The following GRID1 variants were observed in gnomAD, a reference collection of about 807,000 sequenced individuals.
The protein encoded by GRID1 is glutamate receptor ionotropic, delta-1.
Under a neutral mutation model 98.0 loss-of-function variants are expected in GRID1, and 28 were observed. The observed-to-expected ratio is 0.29, with a 90% CI of 0.21 to 0.39. The LOEUF (loss-of-function observed/expected upper bound fraction) is 0.39. GRID1 is among the 10% of genes least tolerant of loss of function. The pLI is 1.00. For synonymous variants in GRID1, 553 were observed against 538.5 expected, an observed-to-expected ratio of 1.03 and a Z score of -0.37; for missense variants, 1,111 against 1,340.5, an observed-to-expected ratio of 0.83 and a Z score of 2.67.
chr10:86,155,245 C>G (rs954199128), intron 3 of GRID1, among the ~76,000 whole-genome samples: 2 of 152,222 alleles, frequency 1.3e-5, no homozygotes, highest in South Asian at 2.1e-4. Context: ...TCTGTGCAGC[C>G]CCTGCCTGCA....
intron 5 of GRID1, among the ~76,000 whole-genome samples, chr10:85,883,921 A>C (rs1048979261): frequency 6.6e-6 from 1 of 152,088 alleles, no homozygotes; most frequent in African/African-American, 2.4e-5. Flanking sequence ...TAATCCTTAC[A>C]CTGAAGATAG....
chr10:85,846,978 C>A (rs1272381872), intron 8 of GRID1, among the ~76,000 whole-genome samples: 1 of 152,170 alleles, frequency 6.6e-6, no homozygotes, highest in Non-Finnish European at 1.5e-5. Context: ...AAAGAATGAG[C>A]AATTTCTTTC....
At chr10:85,998,960 C>A (rs1256308555) in intron 4 of GRID1, among the ~76,000 whole-genome samples, 2 of 152,208 alleles carry the variant, frequency 1.3e-5, no homozygotes, top group East Asian at 3.9e-4. Flanking sequence ...CGCCTGTAAT[C>A]CCAGCGCTTT....
intron 13 of GRID1, among the ~76,000 whole-genome samples, chr10:85,620,781 A>G (rs1263807090): frequency 2.6e-5 from 4 of 152,236 alleles, no homozygotes; most frequent in African/African-American, 9.6e-5. Context: ...ACACCTGTGC[A>G]CACGCACATA....
chr10:86,271,614 ATATGTGAGATTTAAAAAAT>A (rs1259284468), intron 2 of GRID1, among the ~76,000 whole-genome samples: 2 of 152,252 alleles, frequency 1.3e-5, no homozygotes, highest in African/African-American at 4.8e-5. Context: ...GAAAAGTACA[ATATGTGAGATTTAAAAAAT>A]AAACTGAATT....
At chr10:86,083,865 G>C (rs1043457695) in intron 4 of GRID1, among the ~76,000 whole-genome samples, 1 of 152,200 alleles carries the variant, frequency 6.6e-6, no homozygotes, top group Non-Finnish European at 1.5e-5. Context: ...TTGTACTTGC[G>C]TGTTTTCAGC....
At chr10:86,299,478 C>A (rs956382120) in intron 2 of GRID1, among the ~76,000 whole-genome samples, 6 of 151,166 alleles carry the variant, frequency 4.0e-5, no homozygotes, top group Non-Finnish European at 8.8e-5. Flanking sequence ...TGCTATCCCT[C>A]CCCCCTCGCC....
chr10:86,020,075 C>T (rs1843030346), intron 4 of GRID1, among the ~76,000 whole-genome samples: 1 of 152,232 alleles, frequency 6.6e-6, no homozygotes. Context: ...CCATTTATAA[C>T]ACAAACATGT....
chr10:86,201,724 A>G (rs1589408622), intron 3 of GRID1, among the ~76,000 whole-genome samples: 1 of 151,562 alleles, frequency 6.6e-6, no homozygotes, highest in South Asian at 2.1e-4. Flanking sequence ...CTGGCTTGGG[A>G]TCCTCTAAAA....
chr10:85,722,432 T>C (rs1841714401), intron 12 of GRID1, among the ~76,000 whole-genome samples: 2 of 152,214 alleles, frequency 1.3e-5, no homozygotes, highest in Non-Finnish European at 2.9e-5. Flanking sequence ...GATCATAAAA[T>C]ACAGTCACTT....
chr10:86,058,220 C>G (rs770038136), intron 4 of GRID1, among the ~76,000 whole-genome samples: 2 of 152,130 alleles, frequency 1.3e-5, no homozygotes, highest in Non-Finnish European at 2.9e-5. Context: ...AAGCAAGAGG[C>G]TGGATGGAAC....
intron 4 of GRID1, among the ~76,000 whole-genome samples, chr10:86,017,272 C>T (rs974521722): frequency 6.6e-6 from 1 of 152,196 alleles, no homozygotes; most frequent in African/African-American, 2.4e-5. Context: ...TATCAAGAGA[C>T]ATGTATAACC....
intron 8 of GRID1, among the ~76,000 whole-genome samples, chr10:85,757,627 C>G (rs1842111492): frequency 6.6e-6 from 1 of 152,156 alleles, no homozygotes; most frequent in South Asian, 2.1e-4. Flanking sequence ...GTGACAGAGC[C>G]TACTGGGGGA....
rs945706262 is a variant in GRID1 at position 86,160,738 on chromosome 10, G to A, written c.521-21714C>T. Among the ~76,000 whole-genome samples the A allele has an allele frequency of 3.3e-5, 5 of 152,196 alleles. No homozygotes were observed. In the South Asian group the frequency reaches 6.2e-4, roughly 19 times the overall value. ...TAGTCCTTGCAAGAGTCCTTCCAGG[G>A]GGGAATAATAACCCCATTTTTACAG... is the stretch of plus-strand genomic sequence containing the variant. On this transcript the variant is annotated intron_variant, in intron 3 of 15. Coordinates refer to ENST00000327946, the MANE Select transcript of GRID1 (RefSeq NM_017551.3).
At chr10:85,657,942 T>C (rs1333679903) in intron 12 of GRID1, among the ~76,000 whole-genome samples, 1 of 151,942 alleles carries the variant, frequency 6.6e-6, no homozygotes, top group Admixed American at 6.6e-5. Flanking sequence ...GCCAAGAACA[T>C]GGCTAGCTCT....
In GRID1 at chr10:85,975,413, C is replaced by G. The variant is rs1363072930; in HGVS notation, c.727-59174G>C. ...CGAGGCTACTCTTACTTCCACTTCA[C>G]CAAGTGGCTCCTCCAGGCCATCCAC... On this transcript the variant is annotated intron_variant, in intron 4 of 15. Coordinates refer to ENST00000327946, the MANE Select transcript of GRID1 (RefSeq NM_017551.3). Among the ~76,000 whole-genome samples the G allele has an allele frequency of 3.3e-5, 5 of 152,340 alleles. 1 individual carries two copies. Among genetic ancestry groups the G allele is most frequent in the Admixed American group, 3.3e-4 (5 of 15,312 alleles).
At chr10:85,894,861 A>T (rs886511312) in intron 5 of GRID1, among the ~76,000 whole-genome samples, 14 of 151,674 alleles carry the variant, frequency 9.2e-5, no homozygotes, top group African/African-American at 3.4e-4. Context: ...TACAAAAATT[A>T]GCCCGGCATG....
At chr10:85,987,663 C>T (rs956017487) in intron 4 of GRID1, among the ~76,000 whole-genome samples, 6 of 151,154 alleles carry the variant, frequency 4.0e-5, no homozygotes, top group Admixed American at 2.0e-4. Flanking sequence ...CATATCCCTT[C>T]GTCCCTCTGG....
chr10:85,655,620 G>A (rs1840885884), intron 12 of GRID1, among the ~76,000 whole-genome samples: 1 of 152,146 alleles, frequency 6.6e-6, no homozygotes, highest in Non-Finnish European at 1.5e-5. Flanking sequence ...GACCCTTAAA[G>A]CTGCTTGAGA....
Sources: gnomAD v4.1 joint callset for allele counts (sites outside exome capture counted in the v4.1 genomes callset) on GRCh38, gnomAD v4.1.1 for gene constraint, MANE v1.5 for transcripts, NCBI Gene and HGNC (gene_info 2026-07-23, HGNC 2026-07-21) for gene names.